KCNU1: variants seen among roughly 807,000 people sequenced by gnomAD.
The protein encoded by KCNU1 is potassium calcium-activated channel subfamily U member 1, also known as potassium channel subfamily U member 1.
A neutral mutation model predicts 126.8 loss-of-function variants in KCNU1; 93 were observed. The observed-to-expected ratio is 0.73, with a 90% CI of 0.62 to 0.87. The LOEUF (loss-of-function observed/expected upper bound fraction) is 0.87. Ranked by LOEUF, KCNU1 falls within the 40% of genes least tolerant of loss-of-function variation. The pLI, the probability that KCNU1 is intolerant of heterozygous loss-of-function variation, is 0.00. For missense variants in KCNU1, 1,330 were observed against 1,367.1 expected (o/e 0.97, Z 0.43); for synonymous variants, 523 against 494.2 (o/e 1.06, Z -0.77).
At chr8:36,913,745 G>C (rs1807982268) in intron 22 of KCNU1, among the ~76,000 whole-genome samples, 2 of 151,952 alleles carry the variant, frequency 1.3e-5, no homozygotes, top group Admixed American at 6.6e-5. Context: ...GGGACTACAG[G>C]CACCCGCCAC....
At chr8:36,881,634 A>G (rs1367411557) in intron 19 of KCNU1, among the ~76,000 whole-genome samples, 3 of 152,146 alleles carry the variant, frequency 2.0e-5, no homozygotes, top group Admixed American at 2.0e-4. Flanking sequence ...CTGGCATATT[A>G]TAGAGGAACA....
intron 10 of KCNU1, among the ~76,000 whole-genome samples, chr8:36,825,120 G>A (rs1167332389): frequency 4.6e-5 from 7 of 152,088 alleles, no homozygotes; most frequent in African/African-American, 1.4e-4. Context: ...AATGTAACTC[G>A]ACAAACTAAC....
chr8:36,849,983 CACTT>C (rs779690912), intron 18 of KCNU1, among the ~76,000 whole-genome samples: 15 of 152,306 alleles, frequency 9.8e-5, no homozygotes, highest in Non-Finnish European at 2.2e-4. Flanking sequence ...TTCTCACCTA[CACTT>C]ACTTTTCATT....
At chr8:36,786,947 G>A (rs1040918099) in intron 1 of KCNU1, among the ~76,000 whole-genome samples, 3 of 152,150 alleles carry the variant, frequency 2.0e-5, no homozygotes, top group African/African-American at 4.8e-5. Context: ...CTTTGTCCAC[G>A]TATCTTGATG....
At chr8:36,891,929 C>T (rs1427798656) in intron 19 of KCNU1, among the ~76,000 whole-genome samples, 1 of 152,020 alleles carries the variant, frequency 6.6e-6, no homozygotes, top group Non-Finnish European at 1.5e-5. Context: ...TATGGTATAT[C>T]CAGGTCTGAA....
At chr8:36,854,902 T>C (rs1159389338) in intron 18 of KCNU1, among the ~76,000 whole-genome samples, 3 of 152,182 alleles carry the variant, frequency 2.0e-5, no homozygotes, top group Non-Finnish European at 4.4e-5. Flanking sequence ...CTGTCATTTG[T>C]GGCCATTGAA....
At chr8:36,860,102 G>T (rs1805675690) in intron 18 of KCNU1, among the ~76,000 whole-genome samples, 1 of 151,952 alleles carries the variant, frequency 6.6e-6, no homozygotes, top group Non-Finnish European at 1.5e-5. Flanking sequence ...ATTTGAGATG[G>T]AGTCTCTCTC....
At chr8:36,883,636 C>T (rs1806578349) in intron 19 of KCNU1, among the ~76,000 whole-genome samples, 1 of 151,944 alleles carries the variant, frequency 6.6e-6, no homozygotes, top group South Asian at 2.1e-4. Context: ...AAGAAAACCA[C>T]AAAAATTAGC....
At chr8:36,826,529 C>A (rs996708165) in intron 10 of KCNU1, among the ~76,000 whole-genome samples, 21 of 151,958 alleles carry the variant, frequency 1.4e-4, no homozygotes, top group Admixed American at 1.4e-3. Context: ...GAATTTCTTA[C>A]CCTCTCTTTT....
At chr8:36,818,306 T>G (rs1014622537) in intron 10 of KCNU1, among the ~76,000 whole-genome samples, 2 of 152,192 alleles carry the variant, frequency 1.3e-5, no homozygotes, top group African/African-American at 4.8e-5. Context: ...TTGGTAAGAT[T>G]GACTAATTTT....
At position 36,808,789 on chromosome 8, in the gene KCNU1, A is replaced by G; in HGVS notation, c.728A>G (p.His243Arg). The change falls in exon 7 of 27, where the codon CAC (histidine) becomes CGC (arginine). Residue 243 changes from histidine (H) to arginine (R), a missense_variant. Around this residue, in one of 3 missense-constraint regions of KCNU1, gnomAD observed 29 missense variants for 57.8 expected, o/e 0.50. Transcript: ENST00000399881. ...TGGTTCACAGCTGCGGGATTCATTC[A>G]CCTGGTAAGCATCTCATCACAATCC... is the stretch of plus-strand genomic sequence containing the variant. ...STWFTAAGFI[H>R]LVENSGDPWL... 6.2e-7 allele frequency: 1 copy of G among 1,608,598 alleles called. No homozygotes were observed. The highest frequency in any genetic ancestry group is 8.5e-7 in the Non-Finnish European group (1 of 1,176,318).
intron 22 of KCNU1, 92 bp downstream of exon 22, chr8:36,911,211 C>G: frequency 9.3e-7 from 1 of 1,070,632 alleles, no homozygotes; most frequent in Non-Finnish European, 1.3e-6. Flanking sequence ...TTATGGGGAG[C>G]AGGAGGGTGG....
At chr8:36,874,978 C>T (rs1012009288) in intron 19 of KCNU1, among the ~76,000 whole-genome samples, 3 of 151,942 alleles carry the variant, frequency 2.0e-5, no homozygotes, top group Admixed American at 6.5e-5. Flanking sequence ...CCAATCATAA[C>T]GCAGCCAGGT....
chr8:36,817,627 C>A, intron 9 of KCNU1, 23 bp from the exon 10 acceptor site: 5 of 1,290,092 alleles, frequency 3.9e-6, no homozygotes, highest in Non-Finnish European at 5.6e-6. Context: ...GGATGATCCA[C>A]CTCACCTGTT....
chr8:36,851,507 T>A (rs1242279319), intron 18 of KCNU1, among the ~76,000 whole-genome samples: 4 of 152,104 alleles, frequency 2.6e-5, no homozygotes, highest in Non-Finnish European at 5.9e-5. Context: ...CATGCAGAAC[T>A]GTGAGTCAAT....
At chr8:36,840,393 A>G (rs1178712870) in intron 14 of KCNU1, 70 bp from the exon 15 acceptor site, 1 of 738,958 alleles carries the variant, frequency 1.4e-6, no homozygotes, top group Non-Finnish European at 2.4e-6. Flanking sequence ...TTAGCAGAAT[A>G]TGCAATGTGA....
intron 20 of KCNU1, among the ~76,000 whole-genome samples, chr8:36,908,814 A>T (rs1807742904): frequency 1.3e-5 from 2 of 152,108 alleles, no homozygotes; most frequent in Admixed American, 6.6e-5. Flanking sequence ...AGGTAAATTC[A>T]TGTGGTTCAA....
At chr8:36,893,903 C>T (rs1807077481) in intron 19 of KCNU1, among the ~76,000 whole-genome samples, 2 of 152,018 alleles carry the variant, frequency 1.3e-5, no homozygotes, top group African/African-American at 4.8e-5. Context: ...TTTCATCTTC[C>T]TATTAAACTT....
At chr8:36,925,067 C>T (rs1585574858) in intron 24 of KCNU1, among the ~76,000 whole-genome samples, 2 of 152,094 alleles carry the variant, frequency 1.3e-5, no homozygotes, top group South Asian at 4.1e-4. Context: ...ATGACATTGG[C>T]CTTGGGTGGT....
Sources: allele counts gnomAD v4.1 joint callset (sites outside exome capture counted in the v4.1 genomes callset), GRCh38; gene constraint gnomAD v4.1.1; regional missense constraint gnomAD v4.1.1; transcripts MANE v1.5; gene names NCBI Gene and HGNC (gene_info 2026-07-23, HGNC 2026-07-21).